The following ARHGAP24 variants were observed in gnomAD, a reference collection of about 807,000 sequenced individuals.
The protein encoded by ARHGAP24 is Rho GTPase activating protein 24.
Under a neutral mutation model 76.4 loss-of-function variants are expected in ARHGAP24, and 50 were observed. The observed-to-expected ratio is 0.65, with a 90% CI of 0.52 to 0.83. The LOEUF (loss-of-function observed/expected upper bound fraction) is 0.83. Ranked by LOEUF, ARHGAP24 falls within the 40% of genes least tolerant of loss-of-function variation. The pLI is 0.00. For synonymous variants in ARHGAP24, 345 were observed against 323.3 expected (o/e 1.07, Z -0.72); for missense variants, 930 against 914.2 (o/e 1.02, Z -0.22).
At chr4:85,719,297 A>G (rs747770324) in intron 2 of ARHGAP24, among the ~76,000 whole-genome samples, 44 of 152,136 alleles carry the variant, frequency 2.9e-4, no homozygotes, top group Non-Finnish European at 5.9e-4. Flanking sequence ...AGAAAACTAG[A>G]TATGATAAAA....
At chr4:85,523,578 C>A (rs1339346531) in intron 1 of ARHGAP24, among the ~76,000 whole-genome samples, 1 of 152,144 alleles carries the variant, frequency 6.6e-6, no homozygotes, top group Non-Finnish European at 1.5e-5. Context: ...TAACTCTCAA[C>A]TTTAGTTATT....
At chr4:85,686,334 A>C (rs1723421214) in intron 2 of ARHGAP24, among the ~76,000 whole-genome samples, 1 of 152,210 alleles carries the variant, frequency 6.6e-6, no homozygotes, top group Non-Finnish European at 1.5e-5. Context: ...AGAAAATGGC[A>C]CCTAGAGTTT....
chr4:85,600,157 G>T (rs1210080872), intron 2 of ARHGAP24, among the ~76,000 whole-genome samples: 1 of 152,134 alleles, frequency 6.6e-6, no homozygotes, highest in Non-Finnish European at 1.5e-5. Flanking sequence ...GTGCAAAGAC[G>T]CTGGGGTAGC....
intron 1 of ARHGAP24, among the ~76,000 whole-genome samples, chr4:85,556,864 G>T (rs770795628): frequency 1.3e-5 from 2 of 152,188 alleles, no homozygotes; most frequent in Non-Finnish European, 2.9e-5. Flanking sequence ...TCCCAGGAAA[G>T]TGTAGAGCTG....
At chr4:85,902,003 A>G (rs948916404) in intron 3 of ARHGAP24, among the ~76,000 whole-genome samples, 4 of 151,996 alleles carry the variant, frequency 2.6e-5, no homozygotes, top group African/African-American at 9.7e-5. Flanking sequence ...AGGCCTTGGT[A>G]TGTGATGGTC....
intron 6 of ARHGAP24, chr4:85,972,454 C>T (rs1342392479): frequency 1.2e-5 from 5 of 413,728 alleles, no homozygotes; most frequent in Non-Finnish European, 2.2e-5. Context: ...ACACATCACA[C>T]AAAAGAAGTG....
chr4:85,661,828 C>G (rs1722399214), intron 2 of ARHGAP24, among the ~76,000 whole-genome samples: 1 of 152,074 alleles, frequency 6.6e-6, no homozygotes, highest in Non-Finnish European at 1.5e-5. Context: ...TCATCCATGT[C>G]CCTACAAAGG....
At chr4:85,505,793 A>G (rs1265806062) in intron 1 of ARHGAP24, among the ~76,000 whole-genome samples, 1 of 152,128 alleles carries the variant, frequency 6.6e-6, no homozygotes, top group Non-Finnish European at 1.5e-5. Context: ...GATCCTTTGA[A>G]GAAGAGGTGC....
intron 2 of ARHGAP24, among the ~76,000 whole-genome samples, chr4:85,657,829 A>G (rs1269267189): frequency 6.6e-6 from 1 of 152,198 alleles, no homozygotes; most frequent in East Asian, 1.9e-4. Context: ...ATCTCAGCTC[A>G]CTGCAAACTC....
chr4:85,992,809 T>TCA (rs35539392), intron 8 of ARHGAP24, among the ~76,000 whole-genome samples: 45,537 of 151,864 alleles, frequency 0.3, 7,597 homozygotes, highest in African/African-American at 0.45. Context: ...ATTATTACAT[T>TCA]GTCTTTTTTC....
rs147632074 is a variant in ARHGAP24 at position 86,001,188 on chromosome 4, T to C, written c.*466T>C. ...GAAGATAAGCAAAAATATAAATATATATATAAATATATGAGTTATTAAAAT... is the reference window on the plus strand; with the variant it reads ...GAAGATAAGCAAAAATATAAATATACATATAAATATATGAGTTATTAAAAT... On this transcript the variant is annotated 3_prime_UTR_variant, in exon 10 of 10. Coordinates refer to ENST00000395184, the MANE Select transcript of ARHGAP24 (RefSeq NM_001025616.3). The C allele has an allele frequency of 7.5e-3, 2,978 of 395,480 alleles. 17 individuals carry two copies. Among genetic ancestry groups the C allele is most frequent in the Admixed American group, 0.01 (231 of 22,842 alleles). 24.5% of individuals were successfully genotyped at this position (395,480 alleles called of 1,614,324 possible). A position where few individuals can be genotyped will look rare whatever the true frequency, so the allele number is the denominator to read the frequency against.
intron 3 of ARHGAP24, among the ~76,000 whole-genome samples, chr4:85,909,297 G>C (rs967297904): frequency 5.3e-5 from 8 of 151,154 alleles, no homozygotes; most frequent in Non-Finnish European, 8.9e-5. Flanking sequence ...GTTTTCTTTT[G>C]TTTTGTTTTT....
chr4:85,939,464 A>G (rs1247650690), intron 4 of ARHGAP24, among the ~76,000 whole-genome samples: 1 of 152,046 alleles, frequency 6.6e-6, no homozygotes, highest in Non-Finnish European at 1.5e-5. Context: ...CTGAGCCCCA[A>G]TTTTCCATGT....
chr4:85,989,791 A>G (rs772657287), intron 8 of ARHGAP24, among the ~76,000 whole-genome samples: 11 of 151,172 alleles, frequency 7.3e-5, no homozygotes, highest in Non-Finnish European at 1.5e-4. Context: ...ATCATCGCGG[A>G]TGCAGATAAA....
chr4:85,625,796 TATTA>T (rs954871027), intron 2 of ARHGAP24, among the ~76,000 whole-genome samples: 10 of 152,224 alleles, frequency 6.6e-5, no homozygotes, highest in African/African-American at 2.4e-4. Context: ...TAGCTCTTCT[TATTA>T]ATTGATCCCT....
intron 3 of ARHGAP24, among the ~76,000 whole-genome samples, chr4:85,861,355 A>G (rs558321237): frequency 1.3e-3 from 197 of 152,248 alleles, no homozygotes; most frequent in Non-Finnish European, 2.1e-3. Flanking sequence ...TGCATAAGAC[A>G]TGTTATTGTG....
At position 85,497,829 on chromosome 4, in the gene ARHGAP24, CAAAA is replaced by C. The variant is rs556377041; in HGVS notation, c.-21+22271_-21+22274del. ...GACCAAAACTCAGTCTGGAAAAAAACAAAAGAAAGAAAGAAAAGGAAAAGAAATG... is the reference window on the plus strand; with the variant it reads ...GACCAAAACTCAGTCTGGAAAAAAACGAAAGAAAGAAAAGGAAAAGAAATG... On this transcript the variant is annotated intron_variant, in intron 1 of 9. Transcript: ENST00000395184. Among the ~76,000 whole-genome samples, 6 of 152,010 alleles carry C rather than the reference CAAAA, an allele frequency of 3.9e-5. No individual in the cohort carries two copies. In the South Asian group the frequency reaches 1.3e-3, roughly 32 times the overall value.
chr4:85,867,506 A>G (rs1732261700), intron 3 of ARHGAP24, among the ~76,000 whole-genome samples: 1 of 152,132 alleles, frequency 6.6e-6, no homozygotes, highest in Non-Finnish European at 1.5e-5. Context: ...AATAATAAAC[A>G]TATGATTTAA....
chr4:85,595,293 C>T (rs1719763482), intron 2 of ARHGAP24, among the ~76,000 whole-genome samples: 1 of 152,068 alleles, frequency 6.6e-6, no homozygotes, highest in Non-Finnish European at 1.5e-5. Flanking sequence ...TATCTCTTGG[C>T]AGACCAAGGG....
Sources: allele counts gnomAD v4.1 joint callset (sites outside exome capture counted in the v4.1 genomes callset), GRCh38; gene constraint gnomAD v4.1.1; transcripts MANE v1.5; gene names NCBI Gene and HGNC (gene_info 2026-07-23, HGNC 2026-07-21).